Variants in ADGB observed in about 807,000 individuals in gnomAD.
ADGB encodes calpain-7-like protein.
Under a neutral mutation model 210.5 loss-of-function variants are expected in ADGB, and 172 were observed. The ratio of observed to expected loss-of-function variants is 0.82; its 90% CI spans 0.72 to 0.93. The LOEUF is 0.93. Ranked by LOEUF, ADGB falls within the 40% of genes least tolerant of loss-of-function variation. The probability of loss-of-function intolerance (pLI) is 0.00; values close to 1 mark genes in which losing one functional copy is unlikely to be tolerated. For synonymous variants in ADGB, 658 were observed against 662.7 expected, an observed-to-expected ratio of 0.99 and a Z score of 0.11; for missense variants, 2,025 against 1,964.8, an observed-to-expected ratio of 1.03 and a Z score of -0.58.
chr6:146,691,442 A>ATAT (rs1491360806), intron 11 of ADGB, among the ~76,000 whole-genome samples, 152 bp downstream of exon 11: 3,230 of 54,916 alleles, frequency 0.059, 276 homozygotes, highest in East Asian at 0.11. Flanking sequence ...ATATATATAT[A>ATAT]AAAATATATA....
intron 7 of ADGB, among the ~76,000 whole-genome samples, chr6:146,667,433 G>A (rs1217206357): frequency 1.3e-5 from 2 of 151,964 alleles, no homozygotes; most frequent in Admixed American, 6.6e-5. Flanking sequence ...TGAGGGGCAG[G>A]ATACCTCTTG....
At chr6:146,659,123 C>T (rs922573911) in intron 5 of ADGB, among the ~76,000 whole-genome samples, 1 of 152,108 alleles carries the variant, frequency 6.6e-6, no homozygotes, top group Non-Finnish European at 1.5e-5. Context: ...CATGCAAATC[C>T]TATGTGGTTG....
chr6:146,679,457 C>T (rs563931218), intron 9 of ADGB, among the ~76,000 whole-genome samples: 5 of 152,246 alleles, frequency 3.3e-5, no homozygotes, highest in African/African-American at 7.2e-5. Context: ...ACAGTAACTG[C>T]GATATAAACT....
chr6:146,674,356 G>T (rs76247306), intron 8 of ADGB, among the ~76,000 whole-genome samples: 2,414 of 148,000 alleles, frequency 0.016, 63 homozygotes, highest in African/African-American at 0.055. Flanking sequence ...AGGAAAATTG[G>T]TTTTTTTTTT....
chr6:146,755,089 T>C (rs947643899), intron 27 of ADGB, among the ~76,000 whole-genome samples: 2 of 152,094 alleles, frequency 1.3e-5, no homozygotes, highest in African/African-American at 4.8e-5. Flanking sequence ...TTTATATTTT[T>C]CATGTATTAT....
Position 146,617,735 on chromosome 6 carries a change from G to A in ADGB, c.75-17640G>A, listed in dbSNP as rs1160900063. ...TTCTTCTTGATTCCATTGATGCTAT[G>A]CGTCTCTTATTGATTTGCATATGTT... On this transcript the variant is annotated intron_variant, in intron 1 of 35. Transcript: ENST00000397944. Among the ~76,000 whole-genome samples, 3 of 151,968 alleles carry A rather than the reference G, an allele frequency of 2.0e-5. No homozygotes were observed. In the East Asian group the frequency reaches 5.8e-4, roughly 29 times the overall value.
At chr6:146,748,463 C>T (rs377423400) in intron 26 of ADGB, among the ~76,000 whole-genome samples, 6 of 152,240 alleles carry the variant, frequency 3.9e-5, no homozygotes, top group Admixed American at 3.3e-4. Context: ...GAACCTGTTT[C>T]GTGACTTTCT....
At chr6:146,677,098 T>C (rs7740927) in intron 9 of ADGB, among the ~76,000 whole-genome samples, 42,786 of 151,878 alleles carry the variant, frequency 0.28, 6,889 homozygotes, top group African/African-American at 0.45. Context: ...TACAAATTAT[T>C]TCTAAAGACC....
At chr6:146,768,090 A>G (rs140361270) in intron 28 of ADGB, among the ~76,000 whole-genome samples, 106 of 152,334 alleles carry the variant, frequency 7.0e-4, no homozygotes, top group African/African-American at 2.4e-3. Context: ...AACCCAATCC[A>G]CTGATGGACA....
At chr6:146,803,035 A>G in intron 35 of ADGB, 2 of 1,587,554 alleles carry the variant, frequency 1.3e-6, no homozygotes, top group Non-Finnish European at 1.7e-6. Context: ...TTAAGTAGTG[A>G]CTTTACTAGA....
chr6:146,635,662 T>A, intron 2 of ADGB, 125 bp downstream of exon 2: 1 of 1,036,902 alleles, frequency 9.6e-7, no homozygotes, highest in Non-Finnish European at 1.3e-6. Flanking sequence ...AAATTTTTTA[T>A]TTTTCTATCA....
chr6:146,738,445 T>G (rs1218189500), intron 23 of ADGB, among the ~76,000 whole-genome samples: 1 of 111,398 alleles, frequency 9.0e-6, no homozygotes, highest in African/African-American at 6.4e-5. Flanking sequence ...CATCTTTTTT[T>G]TTTTTTTTTT....
At chr6:146,785,567 C>T (rs1777860314) in intron 31 of ADGB, 43 bp from the exon 32 acceptor site, 1 of 1,495,024 alleles carries the variant, frequency 6.7e-7, no homozygotes, top group Non-Finnish European at 9.1e-7. Flanking sequence ...CTGGTTGTTG[C>T]TTTTGAAGAG....
intron 10 of ADGB, among the ~76,000 whole-genome samples, chr6:146,689,549 T>A (rs1014195494): frequency 2.0e-5 from 3 of 152,086 alleles, no homozygotes; most frequent in Non-Finnish European, 4.4e-5. Flanking sequence ...TCTAATGCTC[T>A]ACGGTCTAAA....
intron 35 of ADGB, among the ~76,000 whole-genome samples, chr6:146,805,815 C>T (rs893873395): frequency 7.2e-5 from 11 of 152,144 alleles, no homozygotes; most frequent in Non-Finnish European, 1.6e-4. Context: ...TTTGTGTAAC[C>T]GTGCCTAGTC....
chr6:146,764,464 A>T (rs1050630544), intron 28 of ADGB, among the ~76,000 whole-genome samples: 7 of 152,156 alleles, frequency 4.6e-5, no homozygotes, highest in African/African-American at 1.7e-4. Context: ...CTTAATTTGT[A>T]TGTGCTTACA....
chr6:146,769,100 A>C lies in ADGB; in HGVS notation c.3831A>C (p.Ala1277=). 6.5e-7 allele frequency: 1 copy of C among 1,526,856 alleles called. No homozygotes were observed. 94.6% of individuals were successfully genotyped at this position (1,526,856 alleles called of 1,614,324 possible). The change falls in exon 29 of 36, where the codon GCA becomes GCC. Residue 1277 remains alanine (A), a synonymous_variant. Coordinates refer to ENST00000397944, the MANE Select transcript of ADGB (RefSeq NM_024694.4). The part of the protein sequence containing the change: ...LTESQLTFVQ[A]LKDLKKSNTK... ...AAAGCCAGCTGACATTTGTTCAAGC[A>C]CTGAAAGACTTAAAGAAAAGTAATA...
chr6:146,619,938 T>C (rs994919983), intron 1 of ADGB, among the ~76,000 whole-genome samples: 1 of 152,234 alleles, frequency 6.6e-6, no homozygotes, highest in South Asian at 2.1e-4. Flanking sequence ...AACTCTCTTT[T>C]GGTATTTCGT....
intron 35 of ADGB, chr6:146,803,753 C>T (rs573119511): frequency 4.1e-6 from 3 of 736,822 alleles, no homozygotes; most frequent in Non-Finnish European, 6.7e-6. Flanking sequence ...GGCGCCTCAG[C>T]CCAGCCTCCG....
Sources: allele counts gnomAD v4.1 joint callset (sites outside exome capture counted in the v4.1 genomes callset), GRCh38; gene constraint gnomAD v4.1.1; transcripts MANE v1.5; gene names NCBI Gene and HGNC (gene_info 2026-07-23, HGNC 2026-07-21).